Variants in FGGY observed in about 807,000 individuals in gnomAD.
FGGY encodes FGGY carbohydrate kinase domain-containing protein.
A neutral mutation model predicts 71.3 loss-of-function variants in FGGY; 72 were observed. The observed-to-expected ratio is 1.01, with a 90% CI of 0.84 to 1.23. The LOEUF (loss-of-function observed/expected upper bound fraction) is 1.23, where lower values mean the gene tolerates loss of function less well. FGGY is among the 50% of genes most tolerant of loss of function. The pLI is 0.00. For missense variants in FGGY, 668 were observed against 682.3 expected (o/e 0.98, Z 0.23); for synonymous variants, 251 against 250.3 (o/e 1.00, Z -0.02).
At chr1:59,345,142 A>G (rs1248741310) in intron 3 of FGGY, among the ~76,000 whole-genome samples, 1 of 152,228 alleles carries the variant, frequency 6.6e-6, no homozygotes, top group African/African-American at 2.4e-5. Flanking sequence ...TGATATGTGT[A>G]AAATGTTTAG....
chr1:59,725,891 A>G, intron 14 of FGGY, among the ~76,000 whole-genome samples: 1 of 151,136 alleles, frequency 6.6e-6, no homozygotes. Context: ...CTTTCTTTCC[A>G]GTATGTATGC....
chr1:59,307,112 C>T (rs548377156), intron 1 of FGGY, among the ~76,000 whole-genome samples: 5 of 152,070 alleles, frequency 3.3e-5, no homozygotes, highest in East Asian at 1.9e-4. Context: ...CCCAGGAATT[C>T]GAGACCAGCC....
At chr1:59,498,429 A>G (rs1469750200) in intron 6 of FGGY, among the ~76,000 whole-genome samples, 1 of 152,200 alleles carries the variant, frequency 6.6e-6, no homozygotes, top group African/African-American at 2.4e-5. Flanking sequence ...GCTTTTAAAA[A>G]TAAGAATCCT....
chr1:59,716,804 G>A (rs1408256157), intron 14 of FGGY, among the ~76,000 whole-genome samples: 2 of 152,150 alleles, frequency 1.3e-5, no homozygotes, highest in African/African-American at 4.8e-5. Context: ...AAAAGGAGAG[G>A]CTCAGATTCA....
At chr1:59,420,102 G>T (rs1265340649) in intron 5 of FGGY, among the ~76,000 whole-genome samples, 1 of 152,208 alleles carries the variant, frequency 6.6e-6, no homozygotes, top group East Asian at 1.9e-4. Context: ...ATTATGAAAT[G>T]TAAATTTGTT....
intron 8 of FGGY, among the ~76,000 whole-genome samples, chr1:59,595,311 T>A (rs1481833357): frequency 8.1e-6 from 1 of 124,090 alleles, no homozygotes; most frequent in Non-Finnish European, 1.6e-5. Context: ...TCATTTGTAA[T>A]GCCTTTTTTT....
chr1:59,323,974 C>G (rs1023946675), intron 2 of FGGY, among the ~76,000 whole-genome samples: 90 of 152,264 alleles, frequency 5.9e-4, no homozygotes, highest in African/African-American at 2.2e-3. Flanking sequence ...TACTGTGTAA[C>G]ACTTTGAGAA....
intron 5 of FGGY, among the ~76,000 whole-genome samples, chr1:59,417,933 T>C (rs1164863352): frequency 1.3e-5 from 2 of 152,226 alleles, no homozygotes; most frequent in African/African-American, 2.4e-5. Context: ...GCTATGTTAT[T>C]GGACAGTTGC....
chr1:59,500,233 A>G (rs1335332289), intron 6 of FGGY, among the ~76,000 whole-genome samples: 1 of 152,222 alleles, frequency 6.6e-6, no homozygotes. Flanking sequence ...CCTTCCTTTT[A>G]TAAACTTGAT....
At chr1:59,321,845 T>C in intron 2 of FGGY, 95 bp downstream of exon 2, 1 of 1,311,126 alleles carries the variant, frequency 7.6e-7, no homozygotes, top group Non-Finnish European at 1.1e-6. Context: ...GGGGTAACTT[T>C]AGATGCAGAG....
At chr1:59,356,193 G>A (rs2153227142) in intron 4 of FGGY, among the ~76,000 whole-genome samples, 1 of 152,162 alleles carries the variant, frequency 6.6e-6, no homozygotes, top group East Asian at 1.9e-4. Context: ...TTGAATTTGA[G>A]ACTTAGGCTG....
chr1:59,673,186 C>T (rs180938453), intron 13 of FGGY, among the ~76,000 whole-genome samples: 48 of 152,232 alleles, frequency 3.2e-4, no homozygotes, highest in Non-Finnish European at 6.8e-4. Flanking sequence ...AAGTAAAATA[C>T]AATGTTGGAA....
intron 2 of FGGY, among the ~76,000 whole-genome samples, chr1:59,329,402 C>T (rs1216845488): frequency 2.6e-5 from 4 of 152,242 alleles, no homozygotes; most frequent in African/African-American, 7.2e-5. Context: ...CAGCAATGGA[C>T]TTGCTTACTG....
At chr1:59,586,542 G>C (rs1265021436) in intron 8 of FGGY, among the ~76,000 whole-genome samples, 1 of 152,094 alleles carries the variant, frequency 6.6e-6, no homozygotes. Flanking sequence ...AGCATTAGGA[G>C]ATATACCTAA....
intron 14 of FGGY, chr1:59,699,463 C>G: frequency 2.1e-6 from 2 of 935,824 alleles, no homozygotes; most frequent in Non-Finnish European, 2.5e-6. Flanking sequence ...GCATGGGCTG[C>G]TAAAATCTCA....
intron 14 of FGGY, among the ~76,000 whole-genome samples, chr1:59,729,187 TTTA>T (rs1438693947): frequency 6.6e-6 from 1 of 151,938 alleles, no homozygotes; most frequent in Non-Finnish European, 1.5e-5. Flanking sequence ...TGTTGGTCTT[TTTA>T]TTATTATTAT....
intron 10 of FGGY, among the ~76,000 whole-genome samples, chr1:59,632,474 T>C (rs188055577): frequency 1.3e-5 from 2 of 152,304 alleles, no homozygotes; most frequent in Non-Finnish European, 2.9e-5. Context: ...GTAATTCCCA[T>C]AATCCCACTA....
intron 6 of FGGY, among the ~76,000 whole-genome samples, chr1:59,489,914 G>A (rs1017094054): frequency 4.6e-5 from 7 of 152,058 alleles, no homozygotes; most frequent in African/African-American, 1.4e-4. Context: ...TATCCTAACT[G>A]GGATAAGATG....
At chr1:59,610,128 C>T (rs536877696) in intron 9 of FGGY, among the ~76,000 whole-genome samples, 1 of 152,322 alleles carries the variant, frequency 6.6e-6, no homozygotes, top group South Asian at 2.1e-4. Flanking sequence ...AGGTTTGTTA[C>T]ATAGGAATAT....
Sources: allele counts gnomAD v4.1 joint callset (sites outside exome capture counted in the v4.1 genomes callset), GRCh38; gene constraint gnomAD v4.1.1; transcripts MANE v1.5; gene names NCBI Gene and HGNC (gene_info 2026-07-23, HGNC 2026-07-21).